PPM1E: variants seen among roughly 807,000 people sequenced by gnomAD.
PPM1E encodes protein phosphatase, Mg2+/Mn2+ dependent 1E.
PPM1E carries 20 observed loss-of-function variants against 65.9 expected under a neutral mutation model. That is an observed-to-expected ratio of 0.30 (90% confidence interval 0.21 to 0.44). The LOEUF is 0.44. PPM1E is among the 20% of genes least tolerant of loss of function. PPM1E has a pLI of 1.00. For synonymous variants in PPM1E, 352 were observed against 374.9 expected (o/e 0.94, Z 0.70); for missense variants, 713 against 953.1 (o/e 0.75, Z 3.32).
At chr17:58,809,426 T>C (rs766079426) in intron 1 of PPM1E, among the ~76,000 whole-genome samples, 7 of 152,126 alleles carry the variant, frequency 4.6e-5, no homozygotes, top group Non-Finnish European at 8.8e-5. Context: ...AGGGTCTTAC[T>C]GTGTTGCCCA....
chr17:58,806,868 T>G (rs1382067043), intron 1 of PPM1E, among the ~76,000 whole-genome samples: 6 of 52,960 alleles, frequency 1.1e-4, no homozygotes, highest in South Asian at 1.5e-3. Context: ...CCCTGCTGTG[T>G]TTTTTTTTTT....
chr17:58,906,653 A>G (rs986128968), intron 1 of PPM1E, among the ~76,000 whole-genome samples: 16 of 151,804 alleles, frequency 1.1e-4, no homozygotes, highest in African/African-American at 3.9e-4. Flanking sequence ...CCCTTTTTTA[A>G]TTTTTAATTT....
At chr17:58,849,018 A>G (rs2050799038) in intron 1 of PPM1E, among the ~76,000 whole-genome samples, 1 of 152,218 alleles carries the variant, frequency 6.6e-6, no homozygotes, top group Non-Finnish European at 1.5e-5. Flanking sequence ...GTATGTGTCC[A>G]GGAATTTATC....
intron 1 of PPM1E, among the ~76,000 whole-genome samples, chr17:58,854,151 A>G (rs2050857149): frequency 6.6e-6 from 1 of 152,034 alleles, no homozygotes; most frequent in African/African-American, 2.4e-5. Context: ...TAAGTATTTT[A>G]TTCTTTTTGG....
rs2031327420 is a variant in PPM1E at position 58,981,010 on chromosome 17, T to C, written c.2247T>C (p.Pro749=). ...ATGATATTCCATGCCCAGATCTTCC[T>C]TGGAGCTATAAAATAGAATAATTTT... ...KTHDIPCPDL[P]WSYKIE The change falls in exon 7 of 7, where the codon CCT becomes CCC. Residue 749 remains proline, a synonymous_variant. Coordinates refer to ENST00000308249, the MANE Select transcript of PPM1E (RefSeq NM_014906.5). The C allele has an allele frequency of 1.9e-6, 3 of 1,602,468 alleles. No homozygotes were observed. Among genetic ancestry groups the C allele is most frequent in the Non-Finnish European group, 2.5e-6 (3 of 1,176,638 alleles).
At chr17:58,902,880 A>G (rs993596912) in intron 1 of PPM1E, among the ~76,000 whole-genome samples, 20 of 152,212 alleles carry the variant, frequency 1.3e-4, no homozygotes, top group African/African-American at 4.8e-4. Context: ...AACATCAGAA[A>G]TTTGTATGGG....
intron 1 of PPM1E, among the ~76,000 whole-genome samples, chr17:58,827,794 T>C (rs1357338148): frequency 4.1e-5 from 6 of 145,546 alleles, no homozygotes; most frequent in Non-Finnish European, 6.0e-5. Flanking sequence ...CCCAGCTACT[T>C]GGGAGGCTGA....
At chr17:58,803,148 G>A (rs1032623015) in intron 1 of PPM1E, among the ~76,000 whole-genome samples, 2 of 152,088 alleles carry the variant, frequency 1.3e-5, no homozygotes, top group Non-Finnish European at 2.9e-5. Context: ...CCGTTGTCTT[G>A]TTCCTGATCT....
At chr17:58,798,288 G>GTA (rs2050225539) in intron 1 of PPM1E, among the ~76,000 whole-genome samples, 1 of 149,882 alleles carries the variant, frequency 6.7e-6, no homozygotes, top group South Asian at 2.1e-4. Context: ...GAGTGCAGTG[G>GTA]TACAATCTCG....
intron 1 of PPM1E, among the ~76,000 whole-genome samples, chr17:58,805,977 AAAAAAAAC>A (rs2050306936): frequency 6.4e-5 from 7 of 109,830 alleles, no homozygotes; most frequent in African/African-American, 1.7e-4. Flanking sequence ...AAAAAAACAA[AAAAAAAAC>A]AAAACAAAAC....
Position 58,984,814 on chromosome 17 carries a change from C to T in PPM1E, c.*3783C>T, listed in dbSNP as rs2031646480. The T allele has an allele frequency of 6.6e-6, 1 of 152,356 alleles. No homozygotes were observed. Among genetic ancestry groups the T allele is most frequent in the South Asian group, 2.1e-4 (1 of 4,838 alleles). The allele number at this position is 152,356 out of a possible 1,614,324, so 9.4% of individuals were successfully genotyped here. On this transcript the variant is annotated 3_prime_UTR_variant, in exon 7 of 7. Transcript: ENST00000308249. ...ACTATTTATTGTAATAATTAGAAAA[C>T]ATGAAATAGGGAACTCCAGACTGAC...
At chr17:58,872,709 A>G (rs2051084830) in intron 1 of PPM1E, among the ~76,000 whole-genome samples, 1 of 152,228 alleles carries the variant, frequency 6.6e-6, no homozygotes. Context: ...AAAAACAAAA[A>G]TGACAGCCAC....
At chr17:58,778,845 A>T (rs1420471818) in intron 1 of PPM1E, among the ~76,000 whole-genome samples, 2 of 149,316 alleles carry the variant, frequency 1.3e-5, no homozygotes, top group Non-Finnish European at 3.0e-5. Context: ...GTATTTTGCC[A>T]CTCCAAAGAG....
chr17:58,771,759 A>T (rs555798045), intron 1 of PPM1E, among the ~76,000 whole-genome samples: 1 of 152,170 alleles, frequency 6.6e-6, no homozygotes, highest in Non-Finnish European at 1.5e-5. Flanking sequence ...TACAGAATGG[A>T]TTTCAAGTGG....
intron 1 of PPM1E, among the ~76,000 whole-genome samples, chr17:58,878,367 C>T (rs529973552): frequency 3.9e-5 from 6 of 151,910 alleles, no homozygotes; most frequent in Admixed American, 6.5e-5. Context: ...CTCAGCCTCC[C>T]GAGTAGCTGG....
chr17:58,818,804 T>C (rs777350599), intron 1 of PPM1E, among the ~76,000 whole-genome samples: 2 of 152,136 alleles, frequency 1.3e-5, no homozygotes, highest in Admixed American at 1.3e-4. Flanking sequence ...AGGGCAAGAG[T>C]CTGTGATAGT....
rs1361109547 is a variant in PPM1E at position 58,984,868 on chromosome 17, A to ACTT, written c.*3838_*3840dup. 1 of 152,546 alleles carries ACTT rather than the reference A, an allele frequency of 6.6e-6. No homozygotes were observed. The highest frequency in any genetic ancestry group is 2.4e-5 in the African/African-American group (1 of 41,462). The allele number at this position is 152,546 out of a possible 1,614,324, so 9.4% of individuals were successfully genotyped here. ...GCAGTTGTTTTTGAAAAGGAAATAA[A>ACTT]CTTTGATGAATTAGATAATCCAGAT... On this transcript the variant is annotated 3_prime_UTR_variant, in exon 7 of 7. Coordinates refer to ENST00000308249, the MANE Select transcript of PPM1E (RefSeq NM_014906.5).
At chr17:58,972,796 C>T (rs2030724680) in intron 5 of PPM1E, 36 bp from the exon 6 acceptor site, 2 of 1,511,894 alleles carry the variant, frequency 1.3e-6, no homozygotes, top group Admixed American at 1.7e-5. Flanking sequence ...ATCCTGAATC[C>T]AGTTATTTGC....
intron 1 of PPM1E, among the ~76,000 whole-genome samples, chr17:58,864,417 G>T (rs1368005859): frequency 6.6e-6 from 1 of 152,036 alleles, no homozygotes; most frequent in Non-Finnish European, 1.5e-5. Context: ...GAGGTGGGTG[G>T]ATCACCTGAG....
Sources: gnomAD v4.1 joint callset for allele counts (sites outside exome capture counted in the v4.1 genomes callset) on GRCh38, gnomAD v4.1.1 for gene constraint, MANE v1.5 for transcripts, NCBI Gene and HGNC (gene_info 2026-07-23, HGNC 2026-07-21) for gene names.